Variants in LARP1 observed in about 807,000 individuals in gnomAD.
The protein encoded by LARP1 is La ribonucleoprotein 1, translational regulator.
LARP1 carries 36 observed loss-of-function variants against 122.7 expected under a neutral mutation model. The observed-to-expected ratio is 0.29, with a 90% CI of 0.22 to 0.39. The LOEUF (loss-of-function observed/expected upper bound fraction) is 0.39, where lower values mean the gene tolerates loss of function less well. Ranked by LOEUF, LARP1 falls within the 10% of genes least tolerant of loss-of-function variation. The pLI is 1.00. For synonymous variants in LARP1, 539 were observed against 528.7 expected (o/e 1.02, Z -0.27); for missense variants, 1,040 against 1,403.6 (o/e 0.74, Z 4.14).
chr5:154,794,708 T>A (rs567944599), intron 7 of LARP1, among the ~76,000 whole-genome samples: 3 of 152,308 alleles, frequency 2.0e-5, no homozygotes, highest in African/African-American at 7.2e-5. Flanking sequence ...GGCCCAGTAA[T>A]TTGCACAGAA....
upstream of LARP1, among the ~76,000 whole-genome samples, chr5:154,750,972 CT>C: frequency 1.3e-5 from 2 of 152,298 alleles, no homozygotes; most frequent in South Asian, 4.1e-4. Flanking sequence ...ATCCTTGTCA[CT>C]TTCTGCCTAA....
chr5:154,769,041 A>C (rs1449820300), intron 1 of LARP1, among the ~76,000 whole-genome samples: 1 of 151,582 alleles, frequency 6.6e-6, no homozygotes, highest in Admixed American at 6.6e-5. Context: ...GTTTTGCCAC[A>C]CTGGCCAGGC....
intron 1 of LARP1, among the ~76,000 whole-genome samples, chr5:154,781,378 G>A (rs1756416645): frequency 6.6e-6 from 1 of 152,190 alleles, no homozygotes; most frequent in African/African-American, 2.4e-5. Flanking sequence ...CGGATCACGA[G>A]TCAGGAGATC....
intron 1 of LARP1, among the ~76,000 whole-genome samples, chr5:154,693,682 C>T (rs558445110): frequency 2.0e-5 from 3 of 152,062 alleles, no homozygotes; most frequent in Non-Finnish European, 2.9e-5. Context: ...AATGAAACCC[C>T]GTCTCTACTA....
intron 1 of LARP1, among the ~76,000 whole-genome samples, chr5:154,702,567 A>G (rs1165878018): frequency 1.3e-5 from 2 of 152,032 alleles, no homozygotes; most frequent in African/African-American, 4.8e-5. Context: ...CAAAAAAAAA[A>G]AAAACTTCAA....
chr5:154,746,940 GCCTGACCAACAT>G (rs1488024891), intron 1 of LARP1, among the ~76,000 whole-genome samples: 1 of 152,146 alleles, frequency 6.6e-6, no homozygotes. Flanking sequence ...GTTGAGACCA[GCCTGACCAACAT>G]GGTGAAACTC....
intron 1 of LARP1, among the ~76,000 whole-genome samples, chr5:154,691,227 C>A (rs1198482726): frequency 2.0e-5 from 3 of 149,856 alleles, no homozygotes; most frequent in Non-Finnish European, 3.0e-5. Flanking sequence ...GCGCCACTGC[C>A]CTCCAGCCTG....
At chr5:154,707,656 G>A (rs1366886480) in intron 1 of LARP1, among the ~76,000 whole-genome samples, 1 of 152,106 alleles carries the variant, frequency 6.6e-6, no homozygotes, top group Non-Finnish European at 1.5e-5. Context: ...ATGGTTTCAG[G>A]ATGATTCAAG....
intron 18 of LARP1, 142 bp downstream of exon 18, chr5:154,811,782 CA>C: frequency 1.0e-6 from 1 of 989,628 alleles, no homozygotes; most frequent in South Asian, 1.6e-5. Context: ...TTTGCTTTTT[CA>C]CCTTTAAAAT....
chr5:154,747,180 C>T (rs1352950793), intron 1 of LARP1, among the ~76,000 whole-genome samples: 1 of 151,728 alleles, frequency 6.6e-6, no homozygotes, highest in Non-Finnish European at 1.5e-5. Flanking sequence ...GTGGCGGGCA[C>T]CTGTAATCCC....
At chr5:154,732,211 G>T (rs10036877) in intron 1 of LARP1, among the ~76,000 whole-genome samples, 1,443 of 140,150 alleles carry the variant, frequency 0.01, 32 homozygotes, top group African/African-American at 0.035. Context: ...AAAAAGAAAG[G>T]TGAATCTGGT....
intron 1 of LARP1, 158 bp downstream of exon 1, chr5:154,756,351 T>A: frequency 1.1e-6 from 1 of 934,332 alleles, no homozygotes; most frequent in Non-Finnish European, 1.3e-6. Flanking sequence ...CGCCGCGCCC[T>A]CCCCCCCACC....
At position 154,755,589 on chromosome 5, in the gene LARP1, TGCATCTAACTGGGAGGGGGCC is replaced by T. The variant is rs1753791296; in HGVS notation, c.-165_-145del. The T allele has an allele frequency of 2.0e-6, 2 of 987,226 alleles. No homozygotes were observed. The highest frequency in any genetic ancestry group is 9.4e-5 in the South Asian group (2 of 21,388). The allele number at this position is 987,226 out of a possible 1,614,324, so 61.2% of individuals were successfully genotyped here. A position where few individuals can be genotyped will look rare whatever the true frequency, so the allele number is the denominator to read the frequency against. ...TAGTGGGCCTCGGATTTACGGCGGC[TGCATCTAACTGGGAGGGGGCC>T]GCACCTCGCGTGAACCCCGACCCTT... On this transcript the variant is annotated 5_prime_UTR_variant, in exon 1 of 19. Transcript: ENST00000518297.
At chr5:154,703,141 A>AC (rs1296227352) in intron 1 of LARP1, among the ~76,000 whole-genome samples, 2 of 151,128 alleles carry the variant, frequency 1.3e-5, no homozygotes, top group African/African-American at 2.4e-5. Flanking sequence ...AAAAAAAAAA[A>AC]AAAAAAGAGA....
rs746498155 is a variant in LARP1 at position 154,802,187 on chromosome 5, T to G, written c.1897T>G (p.Tyr633Asp). Residue 633 changes from tyrosine (Y) to aspartate (D), a missense_variant, in exon 11 of 19, where the codon TAT (tyrosine) becomes GAT (aspartate). Physicochemically the swap from Tyr to Asp is radical, Grantham distance 160 (BLOSUM62 -3). Around this residue, in one of 8 missense-constraint regions of LARP1, gnomAD observed 362 missense variants for 533.1 expected, o/e 0.68. Transcript: ENST00000518297. This position sits in a 1 kb window ranked among gnomAD's most constrained non-coding sequence, Gnocchi z 5.1. ...TGCCTGGTCTGATGAGGAATCTGAC[T>G]ATGAGATTGATGACAGGGATGTCAA... ...FTAWSDEESD[Y>D]EIDDRDVNKI... is the part of the protein sequence containing the mutation. 6.2e-7 allele frequency: 1 copy of G among 1,614,182 alleles called. No individual in the cohort carries two copies. Among genetic ancestry groups the G allele is most frequent in the Admixed American group, 1.7e-5 (1 of 60,026 alleles).
At chr5:154,786,881 C>CTT (rs111759565) in intron 1 of LARP1, among the ~76,000 whole-genome samples, 2 of 141,668 alleles carry the variant, frequency 1.4e-5, no homozygotes, top group Non-Finnish European at 1.6e-5. Flanking sequence ...TGATTGTTTT[C>CTT]TTTTTTTTTT....
rs762556667 is a variant in LARP1 at position 154,792,698 on chromosome 5, G to A, written c.641G>A (p.Gly214Glu). Residue 214 changes from glycine to glutamate, a missense_variant, in exon 4 of 19, where the codon GGG becomes GAG. By Grantham distance (98) the Gly-to-Glu change is moderately conservative. Coordinates refer to ENST00000518297, the MANE Select transcript of LARP1 (RefSeq NM_033551.3). ...ATGAAGGAACAGGAGAAAGGAGAAGGGAGTGATAGTAAGGAGAGTCCAAAA... is the reference window on the plus strand; with the variant it reads ...ATGAAGGAACAGGAGAAAGGAGAAGAGAGTGATAGTAAGGAGAGTCCAAAA... ...KDMKEQEKGE[G>E]SDSKESPKTK... The A allele has an allele frequency of 1.9e-6, 3 of 1,614,176 alleles. No homozygotes were observed. Among genetic ancestry groups the A allele is most frequent in the African/African-American group, 2.7e-5 (2 of 75,040 alleles).
At chr5:154,805,469 A>T (rs571297980) in intron 14 of LARP1, among the ~76,000 whole-genome samples, 1 of 151,746 alleles carries the variant, frequency 6.6e-6, no homozygotes, top group African/African-American at 2.4e-5. Flanking sequence ...AAATCTGCGT[A>T]TAAGTGGACC....
intron 1 of LARP1, among the ~76,000 whole-genome samples, chr5:154,683,045 G>T (rs1235772865): frequency 1.3e-5 from 2 of 152,216 alleles, no homozygotes; most frequent in East Asian, 3.9e-4. Context: ...CAGGTAGGGA[G>T]GGTGTGAAGC....
Sources: gnomAD v4.1 joint callset for allele counts (sites outside exome capture counted in the v4.1 genomes callset) on GRCh38, gnomAD v4.1.1 for gene constraint, gnomAD v4.1.1 regional missense constraint, Gnocchi (gnomAD v3.1) non-coding constraint, MANE v1.5 for transcripts, NCBI Gene and HGNC (gene_info 2026-07-23, HGNC 2026-07-21) for gene names.